TRAPPC8: variants seen among roughly 807,000 people sequenced by gnomAD.
The protein encoded by TRAPPC8 is general sporulation gene 1 homolog.
TRAPPC8 carries 54 observed loss-of-function variants against 174.3 expected under a neutral mutation model. The observed-to-expected ratio is 0.31, with a 90% CI of 0.25 to 0.39. The LOEUF (loss-of-function observed/expected upper bound fraction) is 0.39. Ranked by LOEUF, TRAPPC8 falls within the 10% of genes least tolerant of loss-of-function variation. TRAPPC8 has a pLI of 1.00. For missense variants in TRAPPC8, 1,531 were observed against 1,699.1 expected (o/e 0.90, Z 1.74); for synonymous variants, 630 against 579.9 (o/e 1.09, Z -1.24).
At chr18:31,875,359 CT>C (rs540863227) in intron 12 of TRAPPC8, among the ~76,000 whole-genome samples, 87 of 149,560 alleles carry the variant, frequency 5.8e-4, no homozygotes, top group South Asian at 4.4e-3. Flanking sequence ...TATAAATAAA[CT>C]TTTTTTTTCT....
intron 7 of TRAPPC8, 148 bp from the exon 8 acceptor site, chr18:31,908,566 C>A: frequency 1.1e-6 from 1 of 874,038 alleles, no homozygotes; most frequent in Non-Finnish European, 1.6e-6. Context: ...CTGGCAAAAT[C>A]CTATTGAAAA....
chr18:31,885,965 C>T (rs921175114), intron 12 of TRAPPC8, among the ~76,000 whole-genome samples: 2 of 151,646 alleles, frequency 1.3e-5, no homozygotes, highest in East Asian at 1.9e-4. Context: ...TTCTGAACGG[C>T]GCTTGCAACT....
Position 31,830,019 on chromosome 18 carries a change from ATTAAC to A in TRAPPC8, c.*731_*735del, listed in dbSNP as rs2032263880. The A allele has an allele frequency of 1.3e-5, 2 of 152,620 alleles. No individual in the cohort carries two copies. Among genetic ancestry groups the A allele is most frequent in the Non-Finnish European group, 1.5e-5 (1 of 68,028 alleles). 9.5% of individuals were successfully genotyped at this position (152,620 alleles called of 1,614,324 possible). A position where few individuals can be genotyped will look rare whatever the true frequency, so the allele number is the denominator to read the frequency against. Reference sequence around the variant, plus strand: ...TACATTTTTGAAAAGCTTATTTTTAATTAACTTGAGATTTATATTTTAAACAGATC... The same window carrying A: ...TACATTTTTGAAAAGCTTATTTTTAATTGAGATTTATATTTTAAACAGATC... On this transcript the variant is annotated 3_prime_UTR_variant, in exon 29 of 29. Transcript: ENST00000283351.
rs59782671 is a variant in TRAPPC8, at chr18:31,887,720, G to T, written c.1728+3015C>A. Among the ~76,000 whole-genome samples the T allele has an allele frequency of 8.8e-3, 1,329 of 151,338 alleles. 26 individuals carry two copies. Among genetic ancestry groups the T allele is most frequent in the African/African-American group, 0.031 (1,285 of 41,168 alleles). On this transcript the variant is annotated intron_variant, in intron 12 of 28. Coordinates refer to ENST00000283351, the MANE Select transcript of TRAPPC8 (RefSeq NM_014939.5). ...CCAATATCATACTGCATGGACAAAA[G>T]GTGGAAGTATTCCCCCTGAAAACCA...
At chr18:31,931,866 G>C (rs1436208850) in intron 1 of TRAPPC8, among the ~76,000 whole-genome samples, 1 of 152,292 alleles carries the variant, frequency 6.6e-6, no homozygotes, top group Non-Finnish European at 1.5e-5. Context: ...CCAAGGCAGC[G>C]TAAGGTCTAT....
chr18:31,839,317 T>C lies in TRAPPC8; in HGVS notation c.3978A>G (p.Gln1326=). The C allele has an allele frequency of 6.3e-7, 1 of 1,596,330 alleles. No individual in the cohort carries two copies. The highest frequency in any genetic ancestry group is 8.5e-7 in the Non-Finnish European group (1 of 1,173,960). ...AACAAAAATAAAGCTCAAACCTTTT[T>C]TGATGAAATGGATGATTAAATGATT... is the stretch of plus-strand genomic sequence containing the variant. ...YPESFNHPFH[Q]KSLCLVPVTL... is the part of the protein sequence containing the mutation. The change falls in exon 27 of 29, where the codon CAA becomes CAG. Residue 1326 remains glutamine, a synonymous_variant. Coordinates refer to ENST00000283351, the MANE Select transcript of TRAPPC8 (RefSeq NM_014939.5).
At chr18:31,888,942 T>C (rs2035839360) in intron 12 of TRAPPC8, among the ~76,000 whole-genome samples, 1 of 152,214 alleles carries the variant, frequency 6.6e-6, no homozygotes, top group African/African-American at 2.4e-5. Flanking sequence ...AATAAAAAAT[T>C]GGTGCTTCTC....
At position 31,913,486 on chromosome 18, in the gene TRAPPC8, A is replaced by T; in HGVS notation, c.654T>A (p.Tyr218Ter). 6.2e-7 allele frequency: 1 copy of T among 1,602,730 alleles called. No individual in the cohort carries two copies. Among genetic ancestry groups the T allele is most frequent in the Non-Finnish European group, 8.5e-7 (1 of 1,177,378 alleles). Residue 218 changes from tyrosine (Y) to a stop codon, truncating the protein, a stop_gained, in exon 5 of 29, where the codon TAT becomes TAA. Transcript: ENST00000283351. LOFTEE classifies it high-confidence loss of function. The stretch of plus-strand genomic sequence containing the variant: ...TAAGTAAATAGCAACCCTGAGTTCC[A>T]TATTTCTGTTTCATTTCTTCATAAA... Reference protein sequence around the residue: ...ESIYEEMKQKYGTQGCYLLKI... With the variant: ...ESIYEEMKQK
chr18:31,942,143 G>T (rs1440711339), intron 1 of TRAPPC8, among the ~76,000 whole-genome samples: 1 of 152,190 alleles, frequency 6.6e-6, no homozygotes, highest in Non-Finnish European at 1.5e-5. Flanking sequence ...GACCCTCAAC[G>T]CTACAAGAAT....
intron 21 of TRAPPC8, among the ~76,000 whole-genome samples, chr18:31,854,896 G>A (rs2033912725): frequency 6.7e-6 from 1 of 149,654 alleles, no homozygotes; most frequent in Non-Finnish European, 1.5e-5. Context: ...AACCCGGGAG[G>A]TGGAGCTTGC....
intron 18 of TRAPPC8, among the ~76,000 whole-genome samples, chr18:31,866,151 G>T (rs1377697621): frequency 1.3e-5 from 2 of 151,996 alleles, no homozygotes; most frequent in Non-Finnish European, 2.9e-5. Flanking sequence ...TGTAAAATAA[G>T]ACATATCTAT....
chr18:31,889,782 G>GAGGA (rs1353001496), intron 12 of TRAPPC8, among the ~76,000 whole-genome samples: 1 of 152,102 alleles, frequency 6.6e-6, no homozygotes, highest in Non-Finnish European at 1.5e-5. Context: ...CCAAAAATAA[G>GAGGA]AGGAAGGAAC....
intron 2 of TRAPPC8, among the ~76,000 whole-genome samples, chr18:31,927,602 T>C (rs1259253599): frequency 6.6e-6 from 1 of 152,050 alleles, no homozygotes; most frequent in Non-Finnish European, 1.5e-5. Context: ...GGGGTCTCAA[T>C]ATGTTACCCA....
Position 31,909,651 on chromosome 18 carries a change from G to GA in TRAPPC8, c.865+15dup. On this transcript the variant is annotated intron_variant, in intron 6 of 28. Coordinates refer to ENST00000283351, the MANE Select transcript of TRAPPC8 (RefSeq NM_014939.5). Reference sequence around the variant, plus strand: ...TTTTCAATCAAAAGAGAAACTTAGAGAAAATATATCAAGACCTTTGACTTC... The same window carrying GA: ...TTTTCAATCAAAAGAGAAACTTAGAGAAAAATATATCAAGACCTTTGACTTC... 6.3e-7 allele frequency: 1 copy of GA among 1,585,392 alleles called. No individual in the cohort carries two copies. The highest frequency in any genetic ancestry group is 8.5e-7 in the Non-Finnish European group (1 of 1,172,176).
intron 11 of TRAPPC8, among the ~76,000 whole-genome samples, chr18:31,896,854 C>A (rs1194891389): frequency 6.6e-6 from 1 of 152,148 alleles, no homozygotes; most frequent in African/African-American, 2.4e-5. Context: ...AAACTCCTGA[C>A]CTCAGGTGAT....
chr18:31,880,121 A>ATATATATATATATAT (rs1239258266), intron 12 of TRAPPC8, among the ~76,000 whole-genome samples: 14 of 69,036 alleles, frequency 2.0e-4, no homozygotes, highest in African/African-American at 8.3e-4. Context: ...ATATATATAT[A>ATATATATATATATAT]TTTTTTTTTT....
chr18:31,936,412 C>T (rs1234282651), intron 1 of TRAPPC8, among the ~76,000 whole-genome samples: 2 of 152,034 alleles, frequency 1.3e-5, no homozygotes, highest in Non-Finnish European at 2.9e-5. Flanking sequence ...TGCAGTGAAC[C>T]ATGATCATGC....
At chr18:31,903,664 G>C (rs1179758889) in intron 9 of TRAPPC8, among the ~76,000 whole-genome samples, 1 of 152,078 alleles carries the variant, frequency 6.6e-6, no homozygotes, top group African/African-American at 2.4e-5. Context: ...CTATCTTATA[G>C]ACAGTGCAAA....
Position 31,857,752 on chromosome 18 carries a change from A to G in TRAPPC8, c.2976T>C (p.Cys992=), listed in dbSNP as rs1245435018. The G allele has an allele frequency of 6.2e-7, 1 of 1,614,198 alleles. No individual in the cohort carries two copies. Among genetic ancestry groups the G allele is most frequent in the Admixed American group, 1.7e-5 (1 of 60,028 alleles). The part of the protein sequence containing the change: ...KTVVTDATSV[C]TALISSASSV... ...AAGAAGCTGATGATATGAGTGCTGT[A>G]CACACAGAGGTAGCATCTGTCACAA... The change falls in exon 20 of 29, where the codon TGT becomes TGC. Residue 992 remains cysteine, a synonymous_variant. Coordinates refer to ENST00000283351, the MANE Select transcript of TRAPPC8 (RefSeq NM_014939.5).
Sources: allele counts gnomAD v4.1 joint callset (sites outside exome capture counted in the v4.1 genomes callset), GRCh38; gene constraint gnomAD v4.1.1; transcripts MANE v1.5; gene names NCBI Gene and HGNC (gene_info 2026-07-23, HGNC 2026-07-21).